The following STIM2 variants were observed in gnomAD, a reference collection of about 807,000 sequenced individuals.
STIM2 encodes stromal interaction molecule 2.
In STIM2, 31 loss-of-function variants were observed where a neutral mutation model predicts 85.8. The observed-to-expected ratio is 0.36, with a 90% confidence interval of 0.27 to 0.49. STIM2 has a LOEUF of 0.49. STIM2 is among the 20% of genes least tolerant of loss of function. STIM2 has a pLI of 0.98. For synonymous variants in STIM2, 356 were observed against 331.1 expected, an observed-to-expected ratio of 1.08 and a Z score of -0.82; for missense variants, 841 against 927.6, an observed-to-expected ratio of 0.91 and a Z score of 1.21.
intron 3 of STIM2, among the ~76,000 whole-genome samples, chr4:26,959,331 A>G (rs999195452): frequency 6.6e-6 from 1 of 152,076 alleles, no homozygotes; most frequent in Admixed American, 6.6e-5. Context: ...GGCTAACTCC[A>G]TCACCTCCTT....
chr4:26,979,790 A>G (rs1323625739), intron 3 of STIM2, among the ~76,000 whole-genome samples: 1 of 152,188 alleles, frequency 6.6e-6, no homozygotes, highest in African/African-American at 2.4e-5. Context: ...GTACTTTTAT[A>G]TGACTTCACC....
intron 6 of STIM2, 144 bp from the exon 7 acceptor site, chr4:27,002,783 T>C: frequency 1.3e-6 from 1 of 784,402 alleles, no homozygotes; most frequent in Non-Finnish European, 1.8e-6. Context: ...ATATTTGTAT[T>C]AACCAAACTT....
chr4:26,877,136 AT>A (rs1446656127), intron 1 of STIM2, among the ~76,000 whole-genome samples: 2 of 152,108 alleles, frequency 1.3e-5, no homozygotes, highest in African/African-American at 4.8e-5. Flanking sequence ...AATTAAGTAT[AT>A]GTTAGACTGT....
At chr4:26,879,888 T>C (rs1375720422) in intron 1 of STIM2, among the ~76,000 whole-genome samples, 5 of 152,156 alleles carry the variant, frequency 3.3e-5, no homozygotes, top group African/African-American at 1.2e-4. Flanking sequence ...CCACATTATG[T>C]CTTGAGTTTC....
intron 3 of STIM2, among the ~76,000 whole-genome samples, chr4:26,964,305 T>G (rs1010868804): frequency 6.6e-6 from 1 of 152,164 alleles, no homozygotes; most frequent in African/African-American, 2.4e-5. Flanking sequence ...AAGGGTATTA[T>G]TTTAGCAATT....
intron 2 of STIM2, among the ~76,000 whole-genome samples, chr4:26,931,993 GAT>G (rs1256977082): frequency 6.6e-6 from 1 of 152,178 alleles, no homozygotes; most frequent in African/African-American, 2.4e-5. Context: ...TATATACTAA[GAT>G]AACATTTATT....
At chr4:26,887,125 G>A (rs73811398) in intron 1 of STIM2, among the ~76,000 whole-genome samples, 1,502 of 149,442 alleles carry the variant, frequency 0.01, 26 homozygotes, top group African/African-American at 0.035. Context: ...GGAACAACCC[G>A]TAGTGTTCAA....
chr4:26,865,269 A>G (rs890352454), intron 1 of STIM2, among the ~76,000 whole-genome samples: 5 of 152,156 alleles, frequency 3.3e-5, no homozygotes, highest in Non-Finnish European at 7.4e-5. Context: ...CTGAACATTT[A>G]AGAATTGATA....
intron 8 of STIM2, chr4:27,008,096 G>A: frequency 1.5e-6 from 1 of 686,934 alleles, no homozygotes; most frequent in Non-Finnish European, 2.7e-6. Flanking sequence ...AAATTTAAAA[G>A]CTTAGTTCAC....
chr4:26,964,804 G>A (rs1204972419), intron 3 of STIM2, among the ~76,000 whole-genome samples: 15 of 152,130 alleles, frequency 9.9e-5, no homozygotes, highest in Non-Finnish European at 1.9e-4. Context: ...GGGATGTGCT[G>A]TGATCTGTAA....
chr4:26,961,085 A>G (rs1489660734), intron 3 of STIM2, among the ~76,000 whole-genome samples: 3 of 152,136 alleles, frequency 2.0e-5, no homozygotes, highest in Admixed American at 1.3e-4. Flanking sequence ...TATATAGTAG[A>G]TATAGGAATT....
chr4:26,931,734 A>G (rs868126269), intron 2 of STIM2, among the ~76,000 whole-genome samples: 3 of 152,198 alleles, frequency 2.0e-5, no homozygotes, highest in Non-Finnish European at 2.9e-5. Flanking sequence ...CTTGCTGTCT[A>G]TTAACTTACA....
intron 1 of STIM2, among the ~76,000 whole-genome samples, chr4:26,866,235 A>G (rs186723219): frequency 8.5e-4 from 129 of 152,194 alleles, no homozygotes; most frequent in Non-Finnish European, 1.6e-3. Context: ...TTATCTTCAT[A>G]TAGTAGATTA....
intron 1 of STIM2, among the ~76,000 whole-genome samples, chr4:26,892,901 G>T (rs1387587960): frequency 1.3e-5 from 2 of 152,168 alleles, no homozygotes; most frequent in East Asian, 3.9e-4. Context: ...AGTTACCAGG[G>T]TATGTGTTAG....
At chr4:26,898,978 G>C (rs900202174) in intron 1 of STIM2, among the ~76,000 whole-genome samples, 26 of 151,228 alleles carry the variant, frequency 1.7e-4, no homozygotes, top group Admixed American at 1.4e-3. Context: ...TTTATACCTT[G>C]GATTTCTTTT....
At chr4:26,865,782 T>A (rs1436180737) in intron 1 of STIM2, among the ~76,000 whole-genome samples, 2 of 152,052 alleles carry the variant, frequency 1.3e-5, no homozygotes, top group African/African-American at 2.4e-5. Flanking sequence ...ACTAAATAAT[T>A]ATTAAGTACA....
chr4:26,920,287 A>T (rs1724750166), intron 2 of STIM2, among the ~76,000 whole-genome samples: 1 of 152,186 alleles, frequency 6.6e-6, no homozygotes, highest in African/African-American at 2.4e-5. Context: ...CTAAGCTCAG[A>T]ATCTGTGTGG....
At chr4:26,945,505 A>G (rs1006659536) in intron 2 of STIM2, among the ~76,000 whole-genome samples, 1 of 152,140 alleles carries the variant, frequency 6.6e-6, no homozygotes, top group African/African-American at 2.4e-5. Flanking sequence ...TTCTGCCTCT[A>G]GGTCTTTGAG....
chr4:26,928,005 C>T (rs1725042939), intron 2 of STIM2, among the ~76,000 whole-genome samples: 1 of 151,460 alleles, frequency 6.6e-6, no homozygotes, highest in Admixed American at 6.6e-5. Context: ...TTGGGAAGTC[C>T]AACATCAAGG....
Sources: gnomAD v4.1 joint callset for allele counts (sites outside exome capture counted in the v4.1 genomes callset) on GRCh38, gnomAD v4.1.1 for gene constraint, MANE v1.5 for transcripts, NCBI Gene and HGNC (gene_info 2026-07-23, HGNC 2026-07-21) for gene names.